The following SDK1 variants were observed in gnomAD, a reference collection of about 807,000 sequenced individuals.
The protein encoded by SDK1 is protein sidekick-1.
Under a neutral mutation model 245.5 loss-of-function variants are expected in SDK1, and 157 were observed. That is an observed-to-expected ratio of 0.64 (90% CI 0.56 to 0.73). The LOEUF (loss-of-function observed/expected upper bound fraction) is 0.73. Among genes scored for constraint, SDK1 ranks in the 30% least tolerant of loss-of-function variants. The probability of loss-of-function intolerance (pLI) is 0.00; values close to 1 mark genes in which losing one functional copy is unlikely to be tolerated. For synonymous variants in SDK1, 1,647 were observed against 1,278.5 expected (o/e 1.29, Z -6.15); for missense variants, 3,583 against 3,002.3 (o/e 1.19, Z -4.52).
At chr7:3,482,404 G>A (rs534924199) in intron 1 of SDK1, among the ~76,000 whole-genome samples, 12 of 152,228 alleles carry the variant, frequency 7.9e-5, no homozygotes, top group South Asian at 6.2e-4. Flanking sequence ...ATGGGACTCC[G>A]GAGATAGGCA....
At chr7:3,483,045 T>C (rs1023823971) in intron 1 of SDK1, among the ~76,000 whole-genome samples, 1 of 151,482 alleles carries the variant, frequency 6.6e-6, no homozygotes, top group African/African-American at 2.5e-5. Flanking sequence ...GTAAACTTTT[T>C]AAAATGTTCA....
chr7:3,714,075 G>T (rs1235708927), intron 4 of SDK1, among the ~76,000 whole-genome samples: 1 of 152,142 alleles, frequency 6.6e-6, no homozygotes, highest in African/African-American at 2.4e-5. Context: ...TGAGCCGGCT[G>T]CCTGACAGCA....
chr7:3,921,644 C>T (rs1446480071), intron 5 of SDK1, among the ~76,000 whole-genome samples: 1 of 152,098 alleles, frequency 6.6e-6, no homozygotes, highest in Non-Finnish European at 1.5e-5. Context: ...GAAGCTGATT[C>T]CTGCAGGCCT....
rs112769175 is a variant in SDK1, at chr7:3,496,531, C to T, written c.299-122549C>T. 1.2e-4 allele frequency among the ~76,000 whole-genome samples: 18 copies of T among 150,970 alleles called. No homozygotes were observed. The South Asian group carries it at 2.9e-3, about 24-fold the overall frequency. On this transcript the variant is annotated intron_variant, in intron 1 of 44. Transcript: ENST00000404826. Reference sequence around the variant, plus strand: ...TATTTTGCTCCCTAATTATAAAATACAGGGAAAATCATATTCTTTTGCATG... The same window carrying T: ...TATTTTGCTCCCTAATTATAAAATATAGGGAAAATCATATTCTTTTGCATG...
chr7:4,062,231 A>C (rs1039274507), intron 19 of SDK1, among the ~76,000 whole-genome samples: 2 of 152,188 alleles, frequency 1.3e-5, no homozygotes, highest in African/African-American at 4.8e-5. Flanking sequence ...AAGAAGAATA[A>C]AAGACAGATT....
At chr7:3,713,371 C>T (rs1785104823) in intron 4 of SDK1, among the ~76,000 whole-genome samples, 1 of 152,070 alleles carries the variant, frequency 6.6e-6, no homozygotes, top group Admixed American at 6.5e-5. Flanking sequence ...AAGAAAGAGC[C>T]TACAAAGAAC....
In SDK1 at chr7:3,504,168, TTA is replaced by T. The variant is rs540962515; in HGVS notation, c.299-114898_299-114897del. On this transcript the variant is annotated intron_variant, in intron 1 of 44. Transcript: ENST00000404826. ...CCTTCTCAAAAAAAAACCAAAAAAA[TTA>T]TATATATATATATGTGTGTGTGTGT... Among the ~76,000 whole-genome samples the T allele has an allele frequency of 3.2e-3, 356 of 110,014 alleles. 3 individuals carry two copies. The highest frequency in any genetic ancestry group is 3.7e-3 in the Non-Finnish European group (192 of 52,064). 72.2% of individuals were successfully genotyped at this position (110,014 alleles called of 152,430 possible).
intron 4 of SDK1, among the ~76,000 whole-genome samples, chr7:3,753,207 A>G (rs1422271259): frequency 1.3e-5 from 2 of 152,326 alleles, no homozygotes; most frequent in African/African-American, 4.8e-5. Context: ...CTGTTTTTCA[A>G]CCTGAATGTA....
intron 4 of SDK1, among the ~76,000 whole-genome samples, chr7:3,707,287 C>A (rs1234403048): frequency 6.6e-6 from 1 of 152,070 alleles, no homozygotes; most frequent in Non-Finnish European, 1.5e-5. Flanking sequence ...TTTAAATTTC[C>A]ATCTTGATTT....
At chr7:3,589,586 G>A (rs1470846229) in intron 1 of SDK1, among the ~76,000 whole-genome samples, 1 of 152,178 alleles carries the variant, frequency 6.6e-6, no homozygotes, top group East Asian at 1.9e-4. Context: ...ACATGGCTGG[G>A]GAGGCCTCAC....
chr7:3,993,813 C>G (rs779496662), intron 14 of SDK1, among the ~76,000 whole-genome samples: 6 of 152,134 alleles, frequency 3.9e-5, no homozygotes, highest in Non-Finnish European at 7.3e-5. Context: ...CCTGCACCTC[C>G]TCACTTCTCA....
intron 4 of SDK1, among the ~76,000 whole-genome samples, chr7:3,663,888 C>T (rs1783442635): frequency 6.6e-6 from 1 of 152,144 alleles, no homozygotes. Context: ...AATTTCTTTT[C>T]AAAGCATTTT....
Position 4,074,912 on chromosome 7 carries a change from ATATATTTTTT to A in SDK1, c.3011-2084_3011-2075del, listed in dbSNP as rs1203450332. ...TATATATATATATATATATATATAT[ATATATTTTTT>A]TTTTTTTTTAATAAAGTTAGGAAGG... On this transcript the variant is annotated intron_variant, in intron 20 of 44. Transcript: ENST00000404826. Among the ~76,000 whole-genome samples the A allele has an allele frequency of 2.4e-4, 18 of 76,530 alleles. 1 individual carries two copies. Among genetic ancestry groups the A allele is most frequent in the African/African-American group, 1.8e-3 (17 of 9,686 alleles). The allele number at this position is 76,530 out of a possible 152,430, so 50.2% of individuals were successfully genotyped here. A position where few individuals can be genotyped will look rare whatever the true frequency, so the allele number is the denominator to read the frequency against.
chr7:4,174,071 G>A (rs1056437592), intron 32 of SDK1, 151 bp from the exon 33 acceptor site: 2 of 768,778 alleles, frequency 2.6e-6, no homozygotes, highest in African/African-American at 3.4e-5. Context: ...GAGCTGCCTG[G>A]GTTCGTCTTG....
intron 1 of SDK1, among the ~76,000 whole-genome samples, chr7:3,434,811 G>C (rs900867026): frequency 6.6e-6 from 1 of 152,190 alleles, no homozygotes; most frequent in East Asian, 1.9e-4. Flanking sequence ...ATCATGGGGG[G>C]GGACAGAGCA....
chr7:4,083,401 G>T (rs1204942852), intron 22 of SDK1, among the ~76,000 whole-genome samples: 4 of 152,062 alleles, frequency 2.6e-5, no homozygotes, highest in African/African-American at 9.7e-5. Flanking sequence ...GTCATCCCAT[G>T]GGACATCTGC....
At chr7:3,512,108 C>G (rs535954194) in intron 1 of SDK1, among the ~76,000 whole-genome samples, 1 of 152,008 alleles carries the variant, frequency 6.6e-6, no homozygotes, top group South Asian at 2.1e-4. Context: ...ATCCTCTGAC[C>G]TCTGCATAGT....
chr7:3,869,812 T>C (rs747237796), intron 5 of SDK1, among the ~76,000 whole-genome samples: 2 of 152,214 alleles, frequency 1.3e-5, no homozygotes, highest in Non-Finnish European at 2.9e-5. Flanking sequence ...AGTGTACACT[T>C]AAATTAAAAA....
At chr7:3,476,672 TGTCA>T (rs1209316872) in intron 1 of SDK1, among the ~76,000 whole-genome samples, 3 of 152,218 alleles carry the variant, frequency 2.0e-5, no homozygotes, top group African/African-American at 7.2e-5. Flanking sequence ...TAGTTAATTT[TGTCA>T]GTCACTTTGT....
Sources: allele counts gnomAD v4.1 joint callset (sites outside exome capture counted in the v4.1 genomes callset), GRCh38; gene constraint gnomAD v4.1.1; transcripts MANE v1.5; gene names NCBI Gene and HGNC (gene_info 2026-07-23, HGNC 2026-07-21).